TRIM40: variants seen among roughly 807,000 people sequenced by gnomAD.
TRIM40 encodes the protein tripartite motif containing 40, also known as E3 ubiquitin ligase TRIM40.
TRIM40 carries 27 observed loss-of-function variants against 26.1 expected under a neutral mutation model. That is an observed-to-expected ratio of 1.04 (90% CI 0.76 to 1.43). TRIM40 has a LOEUF of 1.43. Ranked by LOEUF, TRIM40 falls within the 40% of genes most tolerant of loss-of-function variation. The probability of loss-of-function intolerance (pLI) is 0.00; values close to 1 mark genes in which losing one functional copy is unlikely to be tolerated. For synonymous variants in TRIM40, 114 were observed against 120.0 expected (o/e 0.95, Z 0.33); for missense variants, 289 against 307.9 (o/e 0.94, Z 0.46).
At position 30,146,065 on chromosome 6, in the gene TRIM40, G is replaced by A; in HGVS notation, c.417G>A (p.Gln139=). Reference sequence around the variant, plus strand: ...AACTTCAGCGGCTCAAGGCTCAGCAGGAGAAGAAACTGCAGGCTCTGCAGG... The same window carrying A: ...AACTTCAGCGGCTCAAGGCTCAGCAAGAGAAGAAACTGCAGGCTCTGCAGG... The part of the protein sequence containing the change: ...IAELQRLKAQ[Q]EKKLQALQFQ... Residue 139 remains glutamine (Q), a synonymous_variant, in exon 3 of 6, where the codon CAG becomes CAA. Transcript: ENST00000396581. 1.2e-6 allele frequency: 2 copies of A among 1,612,964 alleles called. No homozygotes were observed. The highest frequency in any genetic ancestry group is 1.7e-6 in the Non-Finnish European group (2 of 1,180,008).
At chr6:30,145,272 G>C (rs1436586408) in intron 2 of TRIM40, among the ~76,000 whole-genome samples, 1 of 151,998 alleles carries the variant, frequency 6.6e-6, no homozygotes, top group Non-Finnish European at 1.5e-5. Context: ...AGCACATCCT[G>C]ATCTTTAGTT....
At chr6:30,144,561 A>G (rs772054690) in intron 2 of TRIM40, among the ~76,000 whole-genome samples, 22 of 152,278 alleles carry the variant, frequency 1.4e-4, no homozygotes, top group Non-Finnish European at 2.8e-4. Context: ...CTTTTTACAG[A>G]AAAAAATGAA....
At chr6:30,138,644 G>C (rs1272135252) in intron 2 of TRIM40, among the ~76,000 whole-genome samples, 1 of 152,096 alleles carries the variant, frequency 6.6e-6, no homozygotes, top group Non-Finnish European at 1.5e-5. Context: ...TTCAGAATTC[G>C]TGCAGATATT....
At position 30,137,069 on chromosome 6, in the gene TRIM40, G is replaced by A. The variant is rs770662016; in HGVS notation, c.33G>A (p.Glu11=). Residue 11 remains glutamate (E), a synonymous_variant, in exon 2 of 6, where the codon GAG becomes GAA. Transcript: ENST00000396581. ...CTTTGCAGAAGGACAACCAGGAGGAGGGTGTCTGCCCCATCTGCCAGGAGA... is the reference window on the plus strand; with the variant it reads ...CTTTGCAGAAGGACAACCAGGAGGAAGGTGTCTGCCCCATCTGCCAGGAGA... MIPLQKDNQE[E]GVCPICQESL... is the part of the protein sequence containing the mutation. The A allele has an allele frequency of 2.5e-6, 4 of 1,612,910 alleles. No individual in the cohort carries two copies. The highest frequency in any genetic ancestry group is 3.4e-6 in the Non-Finnish European group (4 of 1,180,030).
chr6:30,145,535 C>T (rs528285735), intron 2 of TRIM40, among the ~76,000 whole-genome samples: 40 of 152,294 alleles, frequency 2.6e-4, no homozygotes, highest in Admixed American at 1.7e-3. Flanking sequence ...TGAGTTTGCA[C>T]CTAGTAAAGG....
intron 2 of TRIM40, among the ~76,000 whole-genome samples, chr6:30,140,425 G>C (rs112473348): frequency 6.6e-6 from 1 of 152,070 alleles, no homozygotes; most frequent in Non-Finnish European, 1.5e-5. Context: ...TTACAGGGAC[G>C]TGGATGAAGA....
At chr6:30,138,445 T>C (rs965930928) in intron 2 of TRIM40, among the ~76,000 whole-genome samples, 1 of 152,228 alleles carries the variant, frequency 6.6e-6, no homozygotes, top group Non-Finnish European at 1.5e-5. Flanking sequence ...TCATATAGTT[T>C]CCCCATTGAT....
intron 2 of TRIM40, among the ~76,000 whole-genome samples, chr6:30,144,050 T>A (rs1771504134): frequency 6.6e-6 from 1 of 152,030 alleles, no homozygotes; most frequent in Non-Finnish European, 1.5e-5. Flanking sequence ...TGAGGAGGTG[T>A]GGCTGCACGG....
rs1342625477 is a variant in TRIM40, at chr6:30,148,295, C to T, written c.*483C>T. On this transcript the variant is annotated 3_prime_UTR_variant, in exon 6 of 6. Transcript: ENST00000396581. ...TGGAAGACAGACTCAAAGACAGCCT[C>T]CCTTCATGATCCTCACCTCTTGGAA... 3 of 175,538 alleles carry T rather than the reference C, an allele frequency of 1.7e-5. No individual in the cohort carries two copies. Among genetic ancestry groups the T allele is most frequent in the Non-Finnish European group, 3.7e-5 (3 of 81,440 alleles). 10.9% of individuals were successfully genotyped at this position (175,538 alleles called of 1,614,324 possible).
chr6:30,140,840 C>T (rs1771303691), intron 2 of TRIM40, among the ~76,000 whole-genome samples: 1 of 152,152 alleles, frequency 6.6e-6, no homozygotes, highest in Non-Finnish European at 1.5e-5. Flanking sequence ...TTGAATGCAA[C>T]ACCAAGAGTT....
intron 3 of TRIM40, 39 bp from the exon 4 acceptor site, chr6:30,146,946 C>A: frequency 1.3e-6 from 2 of 1,544,474 alleles, no homozygotes; most frequent in Non-Finnish European, 1.8e-6. Context: ...CAGGAGGGAG[C>A]CACCTGACAC....
chr6:30,147,491 T>C (rs555869671), intron 4 of TRIM40, 29 bp from the exon 5 acceptor site: 5 of 1,613,672 alleles, frequency 3.1e-6, no homozygotes, highest in East Asian at 2.2e-5. Context: ...TGAGAACCAA[T>C]TATGATTCTC....
intron 2 of TRIM40, among the ~76,000 whole-genome samples, chr6:30,139,915 T>C (rs1371211285): frequency 6.6e-6 from 1 of 152,188 alleles, no homozygotes; most frequent in Non-Finnish European, 1.5e-5. Flanking sequence ...GCAAAGGATA[T>C]GAACAGACGC....
Position 30,147,519 on chromosome 6 carries a change from G to GT in TRIM40, c.667-1_667insT (p.Asn223Ter), listed in dbSNP as rs772763481. On this transcript the variant is annotated frameshift_variant and splice_region_variant. Transcript: ENST00000396581. LOFTEE classifies it high-confidence loss of function. ...TGATTCTCACTTTTTCTCTCTCCTAGAATGCTGGTGACTTACTGAACAGGT... is the reference window on the plus strand; with the variant it reads ...TGATTCTCACTTTTTCTCTCTCCTAGTAATGCTGGTGACTTACTGAACAGGT... 75 of 1,613,964 alleles carry GT rather than the reference G, an allele frequency of 4.6e-5. No individual in the cohort carries two copies. Among genetic ancestry groups the GT allele is most frequent in the Non-Finnish European group, 5.3e-5 (62 of 1,180,042 alleles).
intron 2 of TRIM40, among the ~76,000 whole-genome samples, chr6:30,143,749 C>T (rs9261501): frequency 0.22 from 33,486 of 151,862 alleles, 4,035 homozygotes; most frequent in Admixed American, 0.25. Flanking sequence ...CATTAAATAC[C>T]TTTATGCAAA....
intron 2 of TRIM40, among the ~76,000 whole-genome samples, chr6:30,145,782 A>G (rs1771607989): frequency 6.6e-6 from 1 of 152,234 alleles, no homozygotes; most frequent in African/African-American, 2.4e-5. Flanking sequence ...CTGTAAAAAA[A>G]TTACCCATTA....
intron 3 of TRIM40, among the ~76,000 whole-genome samples, chr6:30,146,471 G>A (rs1210929708): frequency 6.6e-6 from 1 of 151,884 alleles, no homozygotes; most frequent in Non-Finnish European, 1.5e-5. Context: ...GAGTGCAGTG[G>A]CACGAACTCC....
At chr6:30,146,437 A>G (rs1466617537) in intron 3 of TRIM40, among the ~76,000 whole-genome samples, 1 of 149,452 alleles carries the variant, frequency 6.7e-6, no homozygotes, top group African/African-American at 2.5e-5. Flanking sequence ...TTTGAGATGG[A>G]GCCTTGCTCT....
intron 2 of TRIM40, among the ~76,000 whole-genome samples, chr6:30,144,849 C>T (rs905138458): frequency 3.9e-5 from 6 of 152,168 alleles, no homozygotes; most frequent in Non-Finnish European, 7.4e-5. Flanking sequence ...CTCTTGTGCT[C>T]GCACAAACAG....
Sources: allele counts gnomAD v4.1 joint callset (sites outside exome capture counted in the v4.1 genomes callset), GRCh38; gene constraint gnomAD v4.1.1; transcripts MANE v1.5; gene names NCBI Gene and HGNC (gene_info 2026-07-23, HGNC 2026-07-21).